VIPR2: variants seen among roughly 807,000 people sequenced by gnomAD.
VIPR2 encodes the protein vasoactive intestinal polypeptide receptor 2.
A neutral mutation model predicts 58.0 loss-of-function variants in VIPR2; 48 were observed. The ratio of observed to expected loss-of-function variants is 0.83; its 90% CI spans 0.66 to 1.05. VIPR2 has a LOEUF of 1.05. Ranked by LOEUF, VIPR2 falls within the 50% of genes least tolerant of loss-of-function variation. The probability of loss-of-function intolerance (pLI) is 0.00; values close to 1 mark genes in which losing one functional copy is unlikely to be tolerated. For missense variants in VIPR2, 534 were observed against 558.0 expected, an observed-to-expected ratio of 0.96 and a Z score of 0.43; for synonymous variants, 243 against 235.2, an observed-to-expected ratio of 1.03 and a Z score of -0.30.
chr7:159,143,598 G>T (rs1257065877), intron 1 of VIPR2, among the ~76,000 whole-genome samples: 2 of 152,192 alleles, frequency 1.3e-5, no homozygotes, highest in African/African-American at 4.8e-5. Context: ...CTTCTTGCTC[G>T]TGACTGAACC....
chr7:159,133,369 T>TG (rs1356255870), intron 2 of VIPR2, among the ~76,000 whole-genome samples: 1 of 152,300 alleles, frequency 6.6e-6, no homozygotes, highest in Admixed American at 6.5e-5. Flanking sequence ...GAAAACTTAA[T>TG]GTCCTTTCTC....
rs992920295 is a variant in VIPR2, at chr7:159,095,500, G to A, written c.357+8257C>T. On this transcript the variant is annotated intron_variant, in intron 4 of 12. Coordinates refer to ENST00000262178, the MANE Select transcript of VIPR2 (RefSeq NM_003382.5). This position sits in a 1 kb window ranked among gnomAD's most constrained non-coding sequence, Gnocchi z 5.2. ...CCTCTTTGTACTGACAAAGTCTGGGGTTCAAAGGCAAAGCACGTATAAATT... is the reference window on the plus strand; with the variant it reads ...CCTCTTTGTACTGACAAAGTCTGGGATTCAAAGGCAAAGCACGTATAAATT... 2.6e-5 allele frequency among the ~76,000 whole-genome samples: 4 copies of A among 152,204 alleles called. No homozygotes were observed. The highest frequency in any genetic ancestry group is 5.9e-5 in the Non-Finnish European group (4 of 68,030).
In VIPR2 at chr7:159,109,845, G is replaced by T; in HGVS notation, c.226C>A (p.Pro76Thr). 6.2e-7 allele frequency: 1 copy of T among 1,614,174 alleles called. No homozygotes were observed. Among genetic ancestry groups the T allele is most frequent in the South Asian group, 1.1e-5 (1 of 91,080 alleles). Residue 76 changes from proline (P) to threonine (T), a missense_variant, in exon 3 of 13, where the codon CCA becomes ACA. Transcript: ENST00000262178. ...CTGTAAAAATTGCTGAAGACTTTTG[G>T]GCAGGGCACCGTGACGGTCTCTCCC... Reference protein sequence around the residue: ...NVGETVTVPCPKVFSNFYSKA... With the variant: ...NVGETVTVPCTKVFSNFYSKA...
At chr7:159,122,227 C>T (rs188474518) in intron 2 of VIPR2, among the ~76,000 whole-genome samples, 11 of 152,350 alleles carry the variant, frequency 7.2e-5, no homozygotes, top group Admixed American at 2.0e-4. Flanking sequence ...TGTCCCCAGA[C>T]GTCTTCCTCC....
intron 1 of VIPR2, 159 bp downstream of exon 1, chr7:159,144,562 A>T (rs899211735): frequency 1.4e-5 from 20 of 1,452,376 alleles, no homozygotes; most frequent in Non-Finnish European, 1.8e-5. Context: ...GCTCTCCGGG[A>T]GGAAGCTCCG....
At chr7:159,121,491 C>G (rs1360104542) in intron 2 of VIPR2, among the ~76,000 whole-genome samples, 1 of 152,214 alleles carries the variant, frequency 6.6e-6, no homozygotes, top group Non-Finnish European at 1.5e-5. Context: ...TTTTGACACA[C>G]TGTTACACAT....
At chr7:159,058,400 G>C in intron 5 of VIPR2, 81 bp downstream of exon 5, 1 of 1,182,714 alleles carries the variant, frequency 8.5e-7, no homozygotes, top group East Asian at 2.3e-5. Flanking sequence ...AGGGCTCCAG[G>C]CTGGGTGGCG....
chr7:159,109,416 T>C (rs1269378142), intron 3 of VIPR2, among the ~76,000 whole-genome samples: 2 of 152,208 alleles, frequency 1.3e-5, no homozygotes, highest in Non-Finnish European at 2.9e-5. Flanking sequence ...ATGGAGGCTC[T>C]GGGTGCCACA....
intron 4 of VIPR2, among the ~76,000 whole-genome samples, chr7:159,092,654 T>TC (rs1292068640): frequency 1.6e-5 from 1 of 62,764 alleles, no homozygotes; most frequent in African/African-American, 1.7e-4. Flanking sequence ...TCTTTTCTTT[T>TC]TTTTTTTTTT....
At chr7:159,132,938 G>A (rs113205833) in intron 2 of VIPR2, among the ~76,000 whole-genome samples, 5 of 146,102 alleles carry the variant, frequency 3.4e-5, no homozygotes, top group African/African-American at 1.0e-4. Flanking sequence ...CAGAATGATT[G>A]GCATACAGAT....
intron 2 of VIPR2, among the ~76,000 whole-genome samples, chr7:159,123,892 C>A (rs946808612): frequency 1.3e-5 from 2 of 152,192 alleles, no homozygotes; most frequent in African/African-American, 4.8e-5. Context: ...TTGCATTTCT[C>A]TAATGTTCAG....
rs1796744850 is a variant in VIPR2 at position 159,128,613 on chromosome 7, C to T, written c.151+13833G>A. 6.6e-6 allele frequency among the ~76,000 whole-genome samples: 1 copy of T among 152,228 alleles called. No homozygotes were observed. The highest frequency in any genetic ancestry group is 1.5e-5 in the Non-Finnish European group (1 of 68,038). ...TTTCAGGAGGAGCATCCACTGCCATCCTGAAGCCTGGGTCCTGCCCTTCCC... is the reference window on the plus strand; with the variant it reads ...TTTCAGGAGGAGCATCCACTGCCATTCTGAAGCCTGGGTCCTGCCCTTCCC... On this transcript the variant is annotated intron_variant, in intron 2 of 12. Transcript: ENST00000262178. The surrounding 1 kb of genome is among the most constrained non-coding windows in gnomAD (Gnocchi z 4.1).
intron 4 of VIPR2, among the ~76,000 whole-genome samples, chr7:159,080,991 T>C (rs567279290): frequency 6.6e-6 from 1 of 152,280 alleles, no homozygotes; most frequent in African/African-American, 2.4e-5. Context: ...TGAAAGAACA[T>C]TCCATGCTCA....
chr7:159,060,739 A>T (rs1185587835), intron 4 of VIPR2, among the ~76,000 whole-genome samples: 2 of 150,712 alleles, frequency 1.3e-5, no homozygotes, highest in Non-Finnish European at 3.0e-5. Context: ...ATTCACTTCA[A>T]CTAACCACAG....
chr7:159,089,927 TA>T (rs1308290569), intron 4 of VIPR2, among the ~76,000 whole-genome samples: 1 of 152,196 alleles, frequency 6.6e-6, no homozygotes, highest in East Asian at 1.9e-4. Context: ...AATCAGGACT[TA>T]AAAAATTACT....
chr7:159,088,707 C>T (rs1237914646), intron 4 of VIPR2, among the ~76,000 whole-genome samples: 2 of 152,252 alleles, frequency 1.3e-5, no homozygotes, highest in African/African-American at 4.8e-5. Context: ...ACAGCGGTGG[C>T]AGCACGGCCT....
intron 4 of VIPR2, among the ~76,000 whole-genome samples, chr7:159,088,486 C>T (rs1857304909): frequency 6.6e-6 from 1 of 152,116 alleles, no homozygotes; most frequent in African/African-American, 2.4e-5. Flanking sequence ...CCGCAGCACA[C>T]CCGTATACCA....
At chr7:159,135,162 A>G (rs1797163887) in intron 2 of VIPR2, among the ~76,000 whole-genome samples, 1 of 152,104 alleles carries the variant, frequency 6.6e-6, no homozygotes, top group Admixed American at 6.5e-5. Context: ...AGGGCCGGCT[A>G]CAGGGGCTCG....
At chr7:159,063,987 C>A (rs1386089685) in intron 4 of VIPR2, among the ~76,000 whole-genome samples, 1 of 151,196 alleles carries the variant, frequency 6.6e-6, no homozygotes, top group African/African-American at 2.4e-5. Context: ...GTGCTCACAC[C>A]GGGCTGGGGT....
Sources: gnomAD v4.1 joint callset for allele counts (sites outside exome capture counted in the v4.1 genomes callset) on GRCh38, gnomAD v4.1.1 for gene constraint, Gnocchi (gnomAD v3.1) non-coding constraint, MANE v1.5 for transcripts, NCBI Gene and HGNC (gene_info 2026-07-23, HGNC 2026-07-21) for gene names.